Variants in MMP26 observed in about 807,000 individuals in gnomAD.
MMP26 encodes the protein matrix metalloproteinase-26.
A neutral mutation model predicts 31.0 loss-of-function variants in MMP26; 33 were observed. The ratio of observed to expected loss-of-function variants is 1.06; its 90% CI spans 0.81 to 1.42. The LOEUF (loss-of-function observed/expected upper bound fraction) is 1.42. Ranked by LOEUF, MMP26 falls within the 40% of genes most tolerant of loss-of-function variation. The pLI is 0.00. For missense variants in MMP26, 347 were observed against 316.1 expected (o/e 1.10, Z -0.74); for synonymous variants, 122 against 114.9 (o/e 1.06, Z -0.40).
chr11:4,920,619 G>A lies in MMP26; in HGVS notation c.-144-67449G>A, dbSNP rs369761588. On this transcript the variant is annotated intron_variant, in intron 2 of 7. Transcript: ENST00000380390. ...GATCATATAATTAAATGCAAAGCAA[G>A]CACAGAACAATTAAACATAATGCCT... Among the ~76,000 whole-genome samples the A allele has an allele frequency of 7.2e-5, 11 of 152,242 alleles. No individual in the cohort carries two copies. The East Asian group carries it at 1.4e-3, about 19-fold the overall frequency.
intron 1 of MMP26, among the ~76,000 whole-genome samples, chr11:4,707,982 C>A (rs1021256879): frequency 2.0e-5 from 3 of 152,196 alleles, no homozygotes; most frequent in African/African-American, 7.2e-5. Context: ...TGTTCCCCAG[C>A]ACTCTGTCCT....
intron 2 of MMP26, chr11:4,769,241 G>A (rs1030723): frequency 0.12 from 197,270 of 1,612,320 alleles, 16,226 homozygotes; most frequent in African/African-American, 0.4. Context: ...TCTGAGGACA[G>A]AGTGAATAAT....
Position 4,927,135 on chromosome 11 carries a change from A to G in MMP26, c.-144-60933A>G, listed in dbSNP as rs1851284433. ...AGACAGAAAAGAGGTGGGCCGGGCA[A>G]TGATCCTGATGAGACTCTGACTCCC... On this transcript the variant is annotated intron_variant, in intron 2 of 7. Coordinates refer to ENST00000380390, the MANE Select transcript of MMP26 (RefSeq NM_021801.5). Among the ~76,000 whole-genome samples, 2 of 152,182 alleles carry G rather than the reference A, an allele frequency of 1.3e-5. 1 individual carries two copies. Among genetic ancestry groups the G allele is most frequent in the South Asian group, 4.1e-4 (2 of 4,830 alleles).
At chr11:4,920,335 T>C (rs907311299) in intron 2 of MMP26, among the ~76,000 whole-genome samples, 2 of 152,154 alleles carry the variant, frequency 1.3e-5, no homozygotes, top group African/African-American at 4.8e-5. Flanking sequence ...GTAAGTGGTC[T>C]TTTGCTTGCT....
intron 2 of MMP26, among the ~76,000 whole-genome samples, chr11:4,871,491 G>C (rs571429969): frequency 6.6e-6 from 1 of 152,058 alleles, no homozygotes; most frequent in Admixed American, 6.6e-5. Context: ...CGTTTGGATG[G>C]GTTGCTACCA....
chr11:4,940,116 A>G (rs1280177377), intron 2 of MMP26, among the ~76,000 whole-genome samples: 1 of 151,912 alleles, frequency 6.6e-6, no homozygotes, highest in Non-Finnish European at 1.5e-5. Flanking sequence ...ATAATATGCT[A>G]TTTTGATTAA....
At chr11:4,932,147 C>G (rs558873715) in intron 2 of MMP26, among the ~76,000 whole-genome samples, 1 of 152,020 alleles carries the variant, frequency 6.6e-6, no homozygotes, top group Non-Finnish European at 1.5e-5. Context: ...CAGCAACAGG[C>G]AGGCACAGAC....
intron 2 of MMP26, among the ~76,000 whole-genome samples, chr11:4,921,199 A>G (rs1851178413): frequency 6.6e-6 from 1 of 152,166 alleles, no homozygotes; most frequent in African/African-American, 2.4e-5. Context: ...TGAACTCTGT[A>G]AAAGGGAAGC....
intron 2 of MMP26, among the ~76,000 whole-genome samples, chr11:4,814,073 G>A (rs1849388259): frequency 6.6e-6 from 1 of 152,132 alleles, no homozygotes. Context: ...GTAAATGAAA[G>A]TTTAAACTGT....
intron 1 of MMP26, chr11:4,710,273 G>A (rs540704750): frequency 1.1e-4 from 52 of 456,750 alleles, no homozygotes; most frequent in African/African-American, 9.8e-4. Flanking sequence ...CCCCAGAGGA[G>A]CAGAAAAAGG....
At chr11:4,915,455 A>G in intron 2 of MMP26, 1 of 1,614,166 alleles carries the variant, frequency 6.2e-7, no homozygotes, top group Non-Finnish European at 8.5e-7. Context: ...CAGAGCCAGC[A>G]TGGACAGGAA....
chr11:4,710,042 A>C, intron 1 of MMP26: 1 of 456,720 alleles, frequency 2.2e-6, no homozygotes, highest in Non-Finnish European at 4.4e-6. Flanking sequence ...CAACAGCTCT[A>C]GTGCCTCTAC....
intron 2 of MMP26, chr11:4,848,566 C>T: frequency 6.2e-7 from 1 of 1,609,262 alleles, no homozygotes; most frequent in Non-Finnish European, 8.5e-7. Flanking sequence ...GGGTCCAAAC[C>T]CATGGCTGAA....
chr11:4,835,203 G>GACACACACACACACACACCCAC (rs1849700979), intron 2 of MMP26, among the ~76,000 whole-genome samples: 1 of 143,126 alleles, frequency 7.0e-6, no homozygotes, highest in African/African-American at 2.7e-5. Flanking sequence ...CTCTCTTTCT[G>GACACACACACACACACACCCAC]ACACACACAC....
At chr11:4,802,646 T>A (rs564745291) in intron 2 of MMP26, among the ~76,000 whole-genome samples, 18 of 152,250 alleles carry the variant, frequency 1.2e-4, no homozygotes, top group Middle Eastern at 3.4e-3. Flanking sequence ...AAATTAAATT[T>A]AAAAATACAC....
chr11:4,808,934 A>T (rs1319347600), intron 2 of MMP26, among the ~76,000 whole-genome samples: 3 of 150,432 alleles, frequency 2.0e-5, no homozygotes, highest in African/African-American at 7.4e-5. Context: ...CTTTTCTCAC[A>T]GACTTATGAA....
At chr11:4,794,464 G>T (rs77446995) in intron 2 of MMP26, among the ~76,000 whole-genome samples, 1 of 152,118 alleles carries the variant, frequency 6.6e-6, no homozygotes, top group Admixed American at 6.6e-5. Flanking sequence ...CTATGAGGTT[G>T]CAATCTTCCT....
At chr11:4,964,114 A>G (rs1376724376) in intron 2 of MMP26, among the ~76,000 whole-genome samples, 5 of 152,110 alleles carry the variant, frequency 3.3e-5, no homozygotes, top group Non-Finnish European at 7.4e-5. Context: ...CTTTAGTTTA[A>G]TTAGATCCCA....
chr11:4,811,937 A>G (rs35546722), intron 2 of MMP26, among the ~76,000 whole-genome samples: 17,483 of 152,140 alleles, frequency 0.11, 1,112 homozygotes, highest in Middle Eastern at 0.19. Flanking sequence ...TCTTTCCAAA[A>G]CTGGTACCTC....
Sources: allele counts gnomAD v4.1 joint callset (sites outside exome capture counted in the v4.1 genomes callset), GRCh38; gene constraint gnomAD v4.1.1; transcripts MANE v1.5; gene names NCBI Gene and HGNC (gene_info 2026-07-23, HGNC 2026-07-21).